SYNPO: variants seen among roughly 807,000 people sequenced by gnomAD.
SYNPO encodes synaptopodin.
Under a neutral mutation model 49.5 loss-of-function variants are expected in SYNPO, and 19 were observed. The observed-to-expected ratio is 0.38, with a 90% CI of 0.27 to 0.56. The LOEUF (loss-of-function observed/expected upper bound fraction) is 0.56, where lower values mean the gene tolerates loss of function less well. Among genes scored for constraint, SYNPO ranks in the 20% least tolerant of loss-of-function variants. SYNPO has a pLI of 0.68. For missense variants in SYNPO, 1,131 were observed against 1,248.3 expected, an observed-to-expected ratio of 0.91 and a Z score of 1.42; for synonymous variants, 536 against 548.0, an observed-to-expected ratio of 0.98 and a Z score of 0.31.
chr5:150,616,797 G>C (rs1464431438), intron 1 of SYNPO, among the ~76,000 whole-genome samples: 1 of 152,022 alleles, frequency 6.6e-6, no homozygotes, highest in African/African-American at 2.4e-5. Context: ...TCCAAGCCCA[G>C]CCAGTTCTTC....
chr5:150,599,363 G>A (rs1756481058), upstream of SYNPO, among the ~76,000 whole-genome samples: 2 of 152,182 alleles, frequency 1.3e-5, no homozygotes, highest in South Asian at 4.1e-4. Context: ...GGATGGTTTG[G>A]GGGTGCTCTT....
upstream of SYNPO, among the ~76,000 whole-genome samples, chr5:150,599,973 G>A (rs1443040314): frequency 1.3e-5 from 2 of 152,144 alleles, no homozygotes; most frequent in East Asian, 1.9e-4. Context: ...GACCCCAACC[G>A]AGGGACCCTG....
At chr5:150,646,700 G>A (rs1295269236) in intron 1 of SYNPO, among the ~76,000 whole-genome samples, 1 of 152,080 alleles carries the variant, frequency 6.6e-6, no homozygotes, top group Non-Finnish European at 1.5e-5. Context: ...ACTCCAGCCT[G>A]GGTGACAGAG....
chr5:150,602,552 G>A (rs1756572208), intron 1 of SYNPO, among the ~76,000 whole-genome samples: 1 of 152,168 alleles, frequency 6.6e-6, no homozygotes, highest in Admixed American at 6.5e-5. Flanking sequence ...AGATCCTTGT[G>A]TTCTGTCCCT....
intron 2 of SYNPO, among the ~76,000 whole-genome samples, chr5:150,630,568 G>A (rs1757504790): frequency 6.6e-6 from 1 of 152,160 alleles, no homozygotes; most frequent in Non-Finnish European, 1.5e-5. Flanking sequence ...TCACGCGCAC[G>A]GAGAACAAGC....
chr5:150,594,856 G>A, the SYNPO span, among the ~76,000 whole-genome samples: 6 of 152,096 alleles, frequency 3.9e-5, no homozygotes, highest in Admixed American at 6.6e-5. Flanking sequence ...GACTCTTGCC[G>A]TTCTGTCCAG....
intron 2 of SYNPO, chr5:150,625,001 G>T (rs1757306470): frequency 2.0e-6 from 2 of 980,786 alleles, no homozygotes; most frequent in African/African-American, 1.7e-5. Flanking sequence ...CCAGGAGGAG[G>T]TGGCACATCT....
chr5:150,656,674 C>G lies in SYNPO; in HGVS notation c.2299C>G (p.Arg767Gly). ...GCGAAACATCATCAATGCGGCCCGGCGCAAGAGCGCCTCCCCGCGGTCGGC... is the reference window on the plus strand; with the variant it reads ...GCGAAACATCATCAATGCGGCCCGGGGCAAGAGCGCCTCCCCGCGGTCGGC... ...LARNIINAAR[R>G]KSASPRSAGA... Residue 767 changes from arginine (R) to glycine (G), a missense_variant, in exon 3 of 3, where the codon CGC (arginine) becomes GGC (glycine). By Grantham distance (125) the Arg-to-Gly change is moderately radical (BLOSUM62 -2). This residue lies in a region of SYNPO where 509 missense variants were observed against 484.5 expected (regional missense o/e 1.05). Transcript: ENST00000307662. 3 of 1,472,734 alleles carry G rather than the reference C, an allele frequency of 2.0e-6. No individual in the cohort carries two copies. The highest frequency in any genetic ancestry group is 1.3e-5 in the South Asian group (1 of 77,738). 91.2% of individuals were successfully genotyped at this position (1,472,734 alleles called of 1,614,324 possible). A position where few individuals can be genotyped will look rare whatever the true frequency, so the allele number is the denominator to read the frequency against.
chr5:150,631,726 G>GC lies in SYNPO; in HGVS notation c.400+12966dup, dbSNP rs1053203345. Among the ~76,000 whole-genome samples the GC allele has an allele frequency of 2.8e-4, 43 of 152,060 alleles. No individual in the cohort carries two copies. In the East Asian group the frequency reaches 5.2e-3, roughly 18 times the overall value. On this transcript the variant is annotated intron_variant, in intron 2 of 2. Coordinates refer to the SYNPO transcript ENST00000394243. ...AGTGCTATCGACAGACCCCATTCAT[G>GC]CCCCCCCAGCCACTTCTTGAGGTGG...
At chr5:150,647,208 G>T (rs963923206) in intron 1 of SYNPO, among the ~76,000 whole-genome samples, 2 of 149,310 alleles carry the variant, frequency 1.3e-5, no homozygotes, top group African/African-American at 5.0e-5. Flanking sequence ...GCGCCGCTGC[G>T]CTCTAGCCTG....
the SYNPO span, among the ~76,000 whole-genome samples, chr5:150,586,334 G>A: frequency 1.3e-5 from 2 of 152,178 alleles, no homozygotes. Flanking sequence ...AACACAGCCC[G>A]TGGGCTCACC....
rs1758351996 is a variant in SYNPO, at chr5:150,650,829, T to A, written c.2028+526T>A. On this transcript the variant is annotated intron_variant, in intron 2 of 2. Transcript: ENST00000307662. The stretch of plus-strand genomic sequence containing the variant: ...CAAGCTCCTGGCGTCTTTCTTCCTG[T>A]TGCTGGATTCTCACCTCCATGGGCC... 6 of 1,278,990 alleles carry A rather than the reference T, an allele frequency of 4.7e-6. No homozygotes were observed. In the Admixed American group the frequency reaches 1.8e-4, roughly 39 times the overall value. The allele number at this position is 1,278,990 out of a possible 1,614,324, so 79.2% of individuals were successfully genotyped here. A position where few individuals can be genotyped will look rare whatever the true frequency, so the allele number is the denominator to read the frequency against.
intron 2 of SYNPO, among the ~76,000 whole-genome samples, chr5:150,655,459 C>A (rs928675471): frequency 1.1e-4 from 16 of 152,162 alleles, no homozygotes; most frequent in African/African-American, 3.9e-4. Flanking sequence ...GGCCCTGGGC[C>A]CGGGACCTCC....
Position 150,650,280 on chromosome 5 carries a change from C to T in SYNPO, c.2005C>T (p.Arg669Trp), listed in dbSNP as rs778604235. The change falls in exon 2 of 3, where the codon CGG becomes TGG. Residue 669 changes from arginine to tryptophan, a missense_variant. This residue lies in a region of SYNPO where 509 missense variants were observed against 484.5 expected (regional missense o/e 1.05). Transcript: ENST00000307662. ...GGCCCCCAGGCCCTCCTTCTCTACC[C>T]GGAACGCCGGGATCGAGGCTCAGGT... ...KQAPRPSFST[R>W]NAGIEAQDRR... 1.2e-6 allele frequency: 2 copies of T among 1,614,116 alleles called. No individual in the cohort carries two copies. Among genetic ancestry groups the T allele is most frequent in the South Asian group, 1.1e-5 (1 of 91,088 alleles).
chr5:150,623,669 G>A (rs1160708197), intron 2 of SYNPO, among the ~76,000 whole-genome samples: 2 of 152,230 alleles, frequency 1.3e-5, no homozygotes, highest in Non-Finnish European at 2.9e-5. Context: ...TCCCCAGTGT[G>A]AACAGGGGAC....
the SYNPO span, among the ~76,000 whole-genome samples, chr5:150,590,959 GCTCCTTTTCTGCCCCC>G: frequency 6.6e-6 from 1 of 152,114 alleles, no homozygotes; most frequent in African/African-American, 2.4e-5. Flanking sequence ...CAGGGAATTA[GCTCCTTTTCTGCCCCC>G]CTCCCAGCCC....
chr5:150,616,000 CG>C (rs1056648137), intron 1 of SYNPO, among the ~76,000 whole-genome samples: 4 of 152,196 alleles, frequency 2.6e-5, no homozygotes, highest in Non-Finnish European at 5.9e-5. Flanking sequence ...TGTTCTTCCC[CG>C]GGGGGCAGAA....
chr5:150,593,942 C>A, the SYNPO span, among the ~76,000 whole-genome samples: 1 of 152,154 alleles, frequency 6.6e-6, no homozygotes, highest in East Asian at 1.9e-4. Context: ...AGGGGGCTGC[C>A]AGCTCTGGCA....
At chr5:150,589,211 G>A in the SYNPO span, among the ~76,000 whole-genome samples, 8 of 151,966 alleles carry the variant, frequency 5.3e-5, no homozygotes, top group South Asian at 2.1e-4. Flanking sequence ...ACAGGTGTGC[G>A]CCACCACACC....
Sources: allele counts gnomAD v4.1 joint callset (sites outside exome capture counted in the v4.1 genomes callset), GRCh38; gene constraint gnomAD v4.1.1; regional missense constraint gnomAD v4.1.1; transcripts MANE v1.5; gene names NCBI Gene and HGNC (gene_info 2026-07-23, HGNC 2026-07-21).